Variants in DOCK7 observed in about 807,000 individuals in gnomAD.
The protein encoded by DOCK7 is dedicator of cytokinesis 7, also known as dedicator of cytokinesis protein 7.
DOCK7 carries 138 observed loss-of-function variants against 271.0 expected under a neutral mutation model. The observed-to-expected ratio is 0.51, with a 90% CI of 0.44 to 0.59. DOCK7 has a LOEUF of 0.59. DOCK7 is among the 20% of genes least tolerant of loss of function. The pLI, the probability that DOCK7 is intolerant of heterozygous loss-of-function variation, is 0.00. For missense variants in DOCK7, 2,066 were observed against 2,592.4 expected, an observed-to-expected ratio of 0.80 and a Z score of 4.41; for synonymous variants, 823 against 876.1, an observed-to-expected ratio of 0.94 and a Z score of 1.07.
At position 62,496,399 on chromosome 1, in the gene DOCK7, C is replaced by T. The variant is rs768760659; in HGVS notation, c.4863G>A (p.Lys1621=). ...CTTCTTCAGCATATGTCAATATAGT[C>T]TTTAGAGAACGTCTTAAGAATTCTT... is the stretch of plus-strand genomic sequence containing the variant. ...FNEEFLRRSL[K]TILTYAEEDL... Residue 1621 remains lysine, a synonymous_variant, in exon 38 of 50, where the codon AAG becomes AAA. Coordinates refer to ENST00000635253, the MANE Select transcript of DOCK7 (RefSeq NM_001367561.1). 4.5e-5 allele frequency: 72 copies of T among 1,613,436 alleles called. No homozygotes were observed. Among genetic ancestry groups the T allele is most frequent in the Non-Finnish European group, 6.0e-5 (71 of 1,179,708 alleles).
chr1:62,610,676 T>C (rs148613644), intron 14 of DOCK7, among the ~76,000 whole-genome samples: 3 of 152,192 alleles, frequency 2.0e-5, no homozygotes, highest in Admixed American at 6.5e-5. Context: ...TGTGTTCTCA[T>C]TGTTTAGCTC....
chr1:62,631,218 G>A (rs372359522), intron 11 of DOCK7, 22 bp downstream of exon 11: 1 of 1,548,598 alleles, frequency 6.5e-7, no homozygotes, highest in Non-Finnish European at 8.7e-7. Context: ...ATTTAGAAAT[G>A]TTTTGTATGA....
intron 16 of DOCK7, among the ~76,000 whole-genome samples, chr1:62,582,237 G>A (rs867869584): frequency 2.9e-4 from 44 of 152,124 alleles, no homozygotes; most frequent in African/African-American, 1.0e-3. Flanking sequence ...CTAAATGAAG[G>A]CAAAGTGTTA....
At chr1:62,641,879 C>T (rs1231337400) in intron 7 of DOCK7, among the ~76,000 whole-genome samples, 1 of 152,148 alleles carries the variant, frequency 6.6e-6, no homozygotes, top group Non-Finnish European at 1.5e-5. Flanking sequence ...CCTCAGCTTT[C>T]ATTAGGTTAA....
At chr1:62,657,375 C>T (rs374596390) in intron 2 of DOCK7, among the ~76,000 whole-genome samples, 4 of 152,234 alleles carry the variant, frequency 2.6e-5, no homozygotes, top group Middle Eastern at 3.4e-3. Context: ...ACTTCTACTC[C>T]GTCTGGCCAA....
intron 21 of DOCK7, among the ~76,000 whole-genome samples, chr1:62,553,352 ATATTTTTTTTT>A (rs1646014538): frequency 2.1e-4 from 2 of 9,414 alleles, no homozygotes; most frequent in African/African-American, 1.1e-3. Flanking sequence ...ATATATATAT[ATATTTTTTTTT>A]TTTTTTTTTT....
At chr1:62,577,494 C>T in intron 17 of DOCK7, 131 bp from the exon 18 acceptor site, 1 of 437,278 alleles carries the variant, frequency 2.3e-6, no homozygotes, top group East Asian at 3.5e-5. Context: ...TTTAATTATA[C>T]AAGTAATAAT....
At chr1:62,605,019 T>C (rs1177678983) in intron 14 of DOCK7, 3 of 547,790 alleles carry the variant, frequency 5.5e-6, no homozygotes, top group African/African-American at 1.9e-5. Flanking sequence ...AAAATTCTTA[T>C]AATACTATTT....
intron 43 of DOCK7, chr1:62,485,286 T>C: frequency 2.0e-6 from 2 of 985,404 alleles, no homozygotes; most frequent in South Asian, 9.4e-5. Flanking sequence ...AGGTTCATGA[T>C]TTATTATTTT....
At chr1:62,623,273 C>G (rs1653513330) in intron 12 of DOCK7, among the ~76,000 whole-genome samples, 1 of 152,140 alleles carries the variant, frequency 6.6e-6, no homozygotes, top group African/African-American at 2.4e-5. Context: ...AATTTTCTAG[C>G]TACTTAAAAA....
chr1:62,551,203 G>T (rs1246052045), intron 22 of DOCK7, among the ~76,000 whole-genome samples: 1 of 152,112 alleles, frequency 6.6e-6, no homozygotes, highest in Non-Finnish European at 1.5e-5. Flanking sequence ...CAAAATACAT[G>T]AAATTGAGAT....
chr1:62,549,285 C>T (rs899114043), intron 22 of DOCK7, among the ~76,000 whole-genome samples: 17 of 152,038 alleles, frequency 1.1e-4, no homozygotes, highest in Non-Finnish European at 2.9e-5. Context: ...GAAAATTAAC[C>T]ACTGGATTTA....
chr1:62,547,560 A>G (rs996321117), intron 22 of DOCK7, among the ~76,000 whole-genome samples: 2 of 152,224 alleles, frequency 1.3e-5, no homozygotes, highest in Admixed American at 1.3e-4. Context: ...ACAAGTCCTC[A>G]GCATAGTGCC....
intron 12 of DOCK7, among the ~76,000 whole-genome samples, chr1:62,620,361 A>C (rs1245891903): frequency 6.6e-6 from 1 of 151,726 alleles, no homozygotes; most frequent in African/African-American, 2.4e-5. Context: ...ATATATGATG[A>C]AAAATAAATT....
chr1:62,494,646 A>C, intron 39 of DOCK7, 179 bp from the exon 40 acceptor site: 7 of 345,804 alleles, frequency 2.0e-5, no homozygotes, highest in Non-Finnish European at 2.0e-5. Context: ...GGCCTATGGA[A>C]TGGATAATAT....
intron 17 of DOCK7, among the ~76,000 whole-genome samples, 175 bp downstream of exon 17, chr1:62,578,653 C>T (rs1356910052): frequency 7.9e-6 from 1 of 126,130 alleles, no homozygotes; most frequent in Non-Finnish European, 1.6e-5. Flanking sequence ...ACCCAGGAAA[C>T]GGAGGTTGCA....
intron 18 of DOCK7, among the ~76,000 whole-genome samples, chr1:62,562,123 C>T (rs1322750525): frequency 6.7e-6 from 1 of 150,092 alleles, no homozygotes; most frequent in East Asian, 2.0e-4. Flanking sequence ...TTCAAATTTA[C>T]AATATCATTT....
At chr1:62,481,029 A>AAAAAAAC (rs1646109320) in intron 43 of DOCK7, among the ~76,000 whole-genome samples, 1 of 151,078 alleles carries the variant, frequency 6.6e-6, no homozygotes, top group East Asian at 1.9e-4. Context: ...AAAAAAAAAA[A>AAAAAAAC]TCTGTGAACA....
At chr1:62,618,928 T>C in intron 13 of DOCK7, 60 bp from the exon 14 acceptor site, 1 of 1,483,728 alleles carries the variant, frequency 6.7e-7, no homozygotes, top group Non-Finnish European at 9.2e-7. Context: ...GTTAAACATG[T>C]TTTTTAAAGG....
Sources: allele counts gnomAD v4.1 joint callset (sites outside exome capture counted in the v4.1 genomes callset), GRCh38; gene constraint gnomAD v4.1.1; transcripts MANE v1.5; gene names NCBI Gene and HGNC (gene_info 2026-07-23, HGNC 2026-07-21).